The following DMD variants were observed in gnomAD, a reference collection of about 807,000 sequenced individuals.
DMD encodes dystrophin, also known as mutant dystrophin.
A neutral mutation model predicts 330.1 loss-of-function variants in DMD; 63 were observed. The ratio of observed to expected loss-of-function variants is 0.19; its 90% CI spans 0.16 to 0.24. The LOEUF (loss-of-function observed/expected upper bound fraction) is 0.24, where lower values mean the gene tolerates loss of function less well. DMD is among the 10% of genes least tolerant of loss of function. DMD has a pLI of 1.00. For missense variants in DMD, 3,344 were observed against 2,684.1 expected (o/e 1.25, Z -5.43); for synonymous variants, 1,223 against 959.8 (o/e 1.27, Z -5.07).
intron 44 of DMD, among the ~76,000 whole-genome samples, chrX:32,207,938 A>G (rs1242582325): frequency 1.8e-5 from 2 of 112,048 alleles, no homozygotes; most frequent in Non-Finnish European, 3.8e-5. Context: ...AAATGTTTGA[A>G]AAATGTGTTA....
intron 12 of DMD, among the ~76,000 whole-genome samples, chrX:32,599,683 G>C (rs1174400663): frequency 9.0e-6 from 1 of 111,373 alleles, no homozygotes; most frequent in Non-Finnish European, 1.9e-5. Flanking sequence ...ATATAATATT[G>C]TTAAAATGTT....
chrX:32,077,681 C>T (rs745769579), intron 44 of DMD, among the ~76,000 whole-genome samples: 4 of 111,373 alleles, frequency 3.6e-5, no homozygotes. Context: ...TATCTATTTT[C>T]CCACCTTATA....
rs868308092 is a variant in DMD at position 32,201,479 on chromosome X, C to A, written c.6438+15437G>T. On this transcript the variant is annotated intron_variant, in intron 44 of 78. Coordinates refer to ENST00000357033, the MANE Select transcript of DMD (RefSeq NM_004006.3). ...TATGCAAATTCAAACACCCCCCCCC[C>A]CCCCAACAAGGAGGCCATATTTAGA... Among the ~76,000 whole-genome samples, 332 of 95,280 alleles carry A rather than the reference C, an allele frequency of 3.5e-3. 2 individuals carry two copies. Among genetic ancestry groups the A allele is most frequent in the African/African-American group, 0.011 (298 of 26,444 alleles). 82.7% of individuals were successfully genotyped at this position (95,280 alleles called of 115,157 possible).
chrX:31,907,755 G>T (rs2094495170), intron 47 of DMD, among the ~76,000 whole-genome samples: 1 of 112,003 alleles, frequency 8.9e-6, no homozygotes, highest in Non-Finnish European at 1.9e-5. Flanking sequence ...CACAGCAAAA[G>T]AAAGTACCAT....
At chrX:32,692,711 C>T (rs1007226554) in intron 9 of DMD, among the ~76,000 whole-genome samples, 1 of 111,755 alleles carries the variant, frequency 8.9e-6, no homozygotes, top group African/African-American at 3.3e-5. Flanking sequence ...ATTAACTTGC[C>T]GAACTCTATA....
At chrX:31,746,561 AG>A (rs1377444645) in intron 51 of DMD, among the ~76,000 whole-genome samples, 1 of 111,986 alleles carries the variant, frequency 8.9e-6, no homozygotes, top group Non-Finnish European at 1.9e-5. Flanking sequence ...AAATATGGCT[AG>A]TCCAGGTTTC....
chrX:32,097,619 T>C (rs2096517236), intron 44 of DMD, among the ~76,000 whole-genome samples: 1 of 111,970 alleles, frequency 8.9e-6, no homozygotes, highest in Admixed American at 9.5e-5. Flanking sequence ...AAATCAACCC[T>C]AAGTATAAAA....
intron 1 of DMD, among the ~76,000 whole-genome samples, chrX:33,135,537 G>A (rs1021188867): frequency 1.8e-5 from 2 of 111,783 alleles, no homozygotes; most frequent in Non-Finnish European, 3.8e-5. Context: ...CATTCTTATG[G>A]AATATTTAAC....
chrX:32,066,706 A>AGAT, intron 44 of DMD, among the ~76,000 whole-genome samples: 1 of 111,557 alleles, frequency 9.0e-6, no homozygotes, highest in Non-Finnish European at 1.9e-5. Context: ...GGTGCTGAAG[A>AGAT]GATAATAATA....
chrX:32,596,097 T>A (rs1051747797), intron 12 of DMD, among the ~76,000 whole-genome samples: 1 of 111,354 alleles, frequency 9.0e-6, no homozygotes, highest in Non-Finnish European at 1.9e-5. Context: ...AAGACAAATG[T>A]TAAGAAAGGT....
At chrX:31,815,684 A>G (rs1872078081) in intron 50 of DMD, among the ~76,000 whole-genome samples, 1 of 111,721 alleles carries the variant, frequency 9.0e-6, no homozygotes, top group African/African-American at 3.3e-5. Context: ...TTCTATCCCC[A>G]ATATGCATAC....
chrX:32,633,419 A>ATCAGCACTTTGGTAACAATCATT (rs2146643454), intron 11 of DMD, among the ~76,000 whole-genome samples: 1 of 112,226 alleles, frequency 8.9e-6, no homozygotes, highest in African/African-American at 3.2e-5. Flanking sequence ...GCATATCAGT[A>ATCAGCACTTTGGTAACAATCATT]TCAGCACTTT....
At chrX:32,217,764 T>C (rs1025729433) in intron 43 of DMD, among the ~76,000 whole-genome samples, 7 of 111,479 alleles carry the variant, frequency 6.3e-5, no homozygotes, top group Admixed American at 4.8e-4. Context: ...TAAATACATA[T>C]AGTTATTACA....
At position 31,400,351 on chromosome X, in the gene DMD, C is replaced by T. The variant is rs369405987; in HGVS notation, c.9084+44130G>A. Among the ~76,000 whole-genome samples the T allele has an allele frequency of 7.2e-5, 8 of 111,060 alleles. No homozygotes were observed. In the East Asian group the frequency reaches 2.0e-3, roughly 27 times the overall value. On this transcript the variant is annotated intron_variant, in intron 60 of 78. Coordinates refer to ENST00000357033, the MANE Select transcript of DMD (RefSeq NM_004006.3). ...AAGCCCCTCCTTGCTTCAAGTTGTC[C>T]CACCCTTCTGGATGGAACAAATGTA...
At chrX:31,986,073 T>C (rs1262375267) in intron 44 of DMD, among the ~76,000 whole-genome samples, 1 of 111,197 alleles carries the variant, frequency 9.0e-6, no homozygotes, top group Non-Finnish European at 1.9e-5. Context: ...AAGGGGAGTG[T>C]GGAATGAAAT....
At chrX:31,918,371 T>C (rs1419347381) in intron 47 of DMD, among the ~76,000 whole-genome samples, 1 of 111,130 alleles carries the variant, frequency 9.0e-6, no homozygotes, top group Admixed American at 9.6e-5. Flanking sequence ...TAGACTGAGT[T>C]ATGAACTGCA....
At chrX:31,905,379 T>A (rs947648818) in intron 47 of DMD, among the ~76,000 whole-genome samples, 1 of 111,253 alleles carries the variant, frequency 9.0e-6, no homozygotes, top group African/African-American at 3.3e-5. Flanking sequence ...ACTTGGTTCT[T>A]TGGGGGTGAA....
intron 60 of DMD, among the ~76,000 whole-genome samples, chrX:31,418,594 G>A (rs772185142): frequency 2.1e-4 from 23 of 111,907 alleles, no homozygotes; most frequent in Non-Finnish European, 3.0e-4. Context: ...GACTCCATGC[G>A]CACCAATAGC....
chrX:31,479,376 T>C (rs750663550), intron 57 of DMD, among the ~76,000 whole-genome samples: 4 of 111,991 alleles, frequency 3.6e-5, no homozygotes, highest in Non-Finnish European at 5.6e-5. Context: ...GCTTTGTTTA[T>C]GTAACCTGAC....
Sources: gnomAD v4.1 joint callset for allele counts (sites outside exome capture counted in the v4.1 genomes callset) on GRCh38, gnomAD v4.1.1 for gene constraint, MANE v1.5 for transcripts, NCBI Gene and HGNC (gene_info 2026-07-23, HGNC 2026-07-21) for gene names.